The following ZC3H3 variants were observed in gnomAD, a reference collection of about 807,000 sequenced individuals.
The protein encoded by ZC3H3 is zinc finger CCCH domain-containing protein 3.
Under a neutral mutation model 77.3 loss-of-function variants are expected in ZC3H3, and 36 were observed. That is an observed-to-expected ratio of 0.47 (90% CI 0.36 to 0.61). The LOEUF is 0.61. Ranked by LOEUF, ZC3H3 falls within the 20% of genes least tolerant of loss-of-function variation. The pLI is 0.00. For missense variants in ZC3H3, 1,331 were observed against 1,312.2 expected (o/e 1.01, Z -0.22); for synonymous variants, 626 against 555.2 (o/e 1.13, Z -1.79).
intron 3 of ZC3H3, among the ~76,000 whole-genome samples, chr8:143,523,734 C>T (rs573519207): frequency 3.3e-5 from 5 of 152,356 alleles, no homozygotes; most frequent in African/African-American, 1.2e-4. Context: ...TGAATCACCC[C>T]GAGATAACGG....
At chr8:143,508,132 C>T (rs1053976476) in intron 3 of ZC3H3, among the ~76,000 whole-genome samples, 2 of 152,246 alleles carry the variant, frequency 1.3e-5, no homozygotes, top group African/African-American at 4.8e-5. Flanking sequence ...GCACCAGCCC[C>T]GCACACCCTC....
intron 9 of ZC3H3, 124 bp from the exon 10 acceptor site, chr8:143,441,244 C>A (rs963063532): frequency 6.7e-6 from 7 of 1,051,554 alleles, no homozygotes; most frequent in Non-Finnish European, 8.8e-6. Flanking sequence ...CCGTCCAAGT[C>A]TTGGGGCCAA....
intron 4 of ZC3H3, among the ~76,000 whole-genome samples, chr8:143,504,082 C>CTGCAGGG (rs71316896): frequency 0.19 from 28,255 of 152,106 alleles, 2,885 homozygotes; most frequent in Non-Finnish European, 0.24. Context: ...TTCCCTCGGG[C>CTGCAGGG]TGCAGGGAAG....
chr8:143,460,438 G>A lies in ZC3H3; in HGVS notation c.2307+5279C>T, dbSNP rs1047790247. ...CAACAAGTGGTGGGGAGGGTGTGGAGAAACGGGAACCCGTGCGCCGTTGCT... is the reference window on the plus strand; with the variant it reads ...CAACAAGTGGTGGGGAGGGTGTGGAAAAACGGGAACCCGTGCGCCGTTGCT... On this transcript the variant is annotated intron_variant, in intron 9 of 11. Coordinates refer to ENST00000262577, the MANE Select transcript of ZC3H3 (RefSeq NM_015117.3). The surrounding 1 kb of genome is among the most constrained non-coding windows in gnomAD (Gnocchi z 4.0). Among the ~76,000 whole-genome samples the A allele has an allele frequency of 6.6e-6, 1 of 152,160 alleles. No homozygotes were observed. The highest frequency in any genetic ancestry group is 6.5e-5 in the Admixed American group (1 of 15,278).
At chr8:143,514,931 C>T (rs1563872400) in intron 3 of ZC3H3, among the ~76,000 whole-genome samples, 1 of 152,252 alleles carries the variant, frequency 6.6e-6, no homozygotes, top group Non-Finnish European at 1.5e-5. Context: ...GCCCGGCCGC[C>T]GCATCTGCTG....
Position 143,536,315 on chromosome 8 carries a change from G to T in ZC3H3, c.1503C>A (p.Val501=). ...GCAGGCGACATAGTCGGTGCGTGGT[G>T]ACCTGTACCAGGCCCTTGTTGGGGG... ...KKTPNKGLVQ[V]TTHRLCRLPP... The change falls in exon 3 of 12, where the codon GTC becomes GTA. Residue 501 remains valine, a synonymous_variant. Coordinates refer to ENST00000262577, the MANE Select transcript of ZC3H3 (RefSeq NM_015117.3). The T allele has an allele frequency of 6.2e-7, 1 of 1,612,168 alleles. No homozygotes were observed.
At chr8:143,473,759 C>G (rs980825383) in intron 5 of ZC3H3, among the ~76,000 whole-genome samples, 5 of 152,216 alleles carry the variant, frequency 3.3e-5, no homozygotes, top group Non-Finnish European at 7.3e-5. Flanking sequence ...CTCAGAGCAC[C>G]TGCTGCTGGC....
At chr8:143,505,460 A>C (rs1447390725) in intron 4 of ZC3H3, among the ~76,000 whole-genome samples, 1 of 152,166 alleles carries the variant, frequency 6.6e-6, no homozygotes, top group African/African-American at 2.4e-5. Flanking sequence ...CCATGCTGGG[A>C]CGCAGGTGGC....
chr8:143,443,099 G>A (rs945495932), intron 9 of ZC3H3, among the ~76,000 whole-genome samples: 2 of 151,810 alleles, frequency 1.3e-5, no homozygotes, highest in African/African-American at 2.4e-5. Flanking sequence ...ATGGTGAAAC[G>A]GTCTCTCCTA....
At chr8:143,468,318 A>C (rs757685767) in intron 7 of ZC3H3, 40 bp from the exon 8 acceptor site, 12 of 1,612,148 alleles carry the variant, frequency 7.4e-6, no homozygotes, top group Non-Finnish European at 9.3e-6. Flanking sequence ...AAGGGCCGGC[A>C]GGGACCAAGG....
At chr8:143,465,590 G>A (rs548851478) in intron 9 of ZC3H3, 127 bp downstream of exon 9, 30 of 1,400,396 alleles carry the variant, frequency 2.1e-5, no homozygotes, top group Admixed American at 4.0e-5. Flanking sequence ...TGAGGTGGAC[G>A]TGATGGCACT....
At chr8:143,491,961 T>C (rs409529) in intron 4 of ZC3H3, among the ~76,000 whole-genome samples, 34,507 of 152,192 alleles carry the variant, frequency 0.23, 4,014 homozygotes, top group Non-Finnish European at 0.25. Context: ...CCCACAGGCA[T>C]GTTGCCTCCA....
chr8:143,444,854 G>T (rs550846454), intron 9 of ZC3H3, among the ~76,000 whole-genome samples: 66 of 152,166 alleles, frequency 4.3e-4, no homozygotes, highest in African/African-American at 1.5e-3. Flanking sequence ...GAAAAAGAAA[G>T]AAAACTTGTC....
intron 9 of ZC3H3, 65 bp downstream of exon 9, chr8:143,465,652 G>A: frequency 6.3e-7 from 1 of 1,597,146 alleles, no homozygotes; most frequent in Non-Finnish European, 8.5e-7. Flanking sequence ...CAGGTACCCA[G>A]GAGTGAGCAG....
intron 4 of ZC3H3, among the ~76,000 whole-genome samples, chr8:143,502,985 C>T (rs958205285): frequency 1.2e-4 from 19 of 152,212 alleles, no homozygotes; most frequent in East Asian, 3.8e-4. Flanking sequence ...GGCAGCAGTA[C>T]AGTAAGCTCC....
chr8:143,458,389 A>G (rs13269645), intron 9 of ZC3H3, among the ~76,000 whole-genome samples: 5,995 of 136,958 alleles, frequency 0.044, 92 homozygotes, highest in Non-Finnish European at 0.062. Context: ...GCTCACGCCT[A>G]TAACTCCAGC....
chr8:143,495,616 C>T (rs1021470237), intron 4 of ZC3H3, among the ~76,000 whole-genome samples: 1 of 152,160 alleles, frequency 6.6e-6, no homozygotes, highest in Non-Finnish European at 1.5e-5. Flanking sequence ...CAGAGTCTCA[C>T]TTTTTCACCC....
chr8:143,513,622 C>A (rs973287240), intron 3 of ZC3H3, among the ~76,000 whole-genome samples: 6 of 152,198 alleles, frequency 3.9e-5, no homozygotes, highest in Admixed American at 6.5e-5. Context: ...TATGTCTGAG[C>A]GGGGCGCAGA....
intron 3 of ZC3H3, among the ~76,000 whole-genome samples, chr8:143,522,341 G>A (rs530510795): frequency 1.2e-4 from 18 of 152,350 alleles, no homozygotes; most frequent in South Asian, 2.1e-4. Context: ...AGTGGCTCAC[G>A]CCTGTAATCC....
Sources: allele counts gnomAD v4.1 joint callset (sites outside exome capture counted in the v4.1 genomes callset), GRCh38; gene constraint gnomAD v4.1.1; non-coding constraint Gnocchi (gnomAD v3.1); transcripts MANE v1.5; gene names NCBI Gene and HGNC (gene_info 2026-07-23, HGNC 2026-07-21).